The following PPFIA4 variants were observed in gnomAD, a reference collection of about 807,000 sequenced individuals.
PPFIA4 encodes PPFI scaffold protein A4.
PPFIA4 carries 98 observed loss-of-function variants against 145.7 expected under a neutral mutation model. The observed-to-expected ratio is 0.67, with a 90% CI of 0.57 to 0.80. PPFIA4 has a LOEUF of 0.80. Ranked by LOEUF, PPFIA4 falls within the 30% of genes least tolerant of loss-of-function variation. The probability of loss-of-function intolerance (pLI) is 0.00; values close to 1 mark genes in which losing one functional copy is unlikely to be tolerated. For missense variants in PPFIA4, 1,457 were observed against 1,632.7 expected (o/e 0.89, Z 1.85); for synonymous variants, 628 against 649.6 (o/e 0.97, Z 0.51).
chr1:203,074,383 A>C (rs1302148795), intron 28 of PPFIA4, among the ~76,000 whole-genome samples: 1 of 152,180 alleles, frequency 6.6e-6, no homozygotes, highest in Non-Finnish European at 1.5e-5. Flanking sequence ...AACATAGAAA[A>C]GGGACAGTAA....
At chr1:203,039,393 C>A (rs976100114) in intron 2 of PPFIA4, among the ~76,000 whole-genome samples, 151 bp downstream of exon 2, 1 of 152,236 alleles carries the variant, frequency 6.6e-6, no homozygotes, top group African/African-American at 2.4e-5. Flanking sequence ...TACGTGAATT[C>A]TTTCCCTGTC....
At chr1:203,065,035 T>G (rs559663076) in intron 25 of PPFIA4, among the ~76,000 whole-genome samples, 87 of 152,354 alleles carry the variant, frequency 5.7e-4, no homozygotes, top group Admixed American at 1.6e-3. Flanking sequence ...TCTGTGGATG[T>G]CCTGTGGTCT....
chr1:203,059,634 A>C (rs1661221621), intron 20 of PPFIA4, 136 bp from the exon 21 acceptor site: 18 of 718,474 alleles, frequency 2.5e-5, no homozygotes, highest in South Asian at 6.4e-5. Context: ...AAGAAGGAAG[A>C]GCAGAGCAGA....
Position 203,049,753 on chromosome 1 carries a change from T to C in PPFIA4, c.1497T>C (p.Asp499=), listed in dbSNP as rs754204866. The change falls in exon 13 of 30, where the codon GAT becomes GAC. Residue 499 remains aspartate, a synonymous_variant. Coordinates refer to ENST00000295706, the MANE Select transcript of PPFIA4 (RefSeq NM_001304331.2). ...AGGGCCGAGGGGGGCCGTTTGTGGA[T>C]GGCGTCCACTCCAGGTACTGCAGCG... The part of the protein sequence containing the change: ...QLKGRGGPFV[D]GVHSRSHMGS... The C allele has an allele frequency of 9.5e-6, 15 of 1,585,662 alleles. No individual in the cohort carries two copies. The highest frequency in any genetic ancestry group is 1.3e-5 in the Non-Finnish European group (15 of 1,165,758).
intron 1 of PPFIA4, chr1:203,034,683 C>T: frequency 6.6e-6 from 3 of 456,666 alleles, no homozygotes; most frequent in Non-Finnish European, 1.3e-5. Context: ...GGCCTCATGA[C>T]CATGTTGGCT....
chr1:203,063,606 G>T, intron 24 of PPFIA4: 1 of 509,320 alleles, frequency 2.0e-6, no homozygotes, highest in Admixed American at 3.5e-5. Flanking sequence ...ATATGTGAGT[G>T]GAACCGTATC....
chr1:203,039,881 T>TA, intron 2 of PPFIA4, among the ~76,000 whole-genome samples: 1 of 152,322 alleles, frequency 6.6e-6, no homozygotes, highest in Non-Finnish European at 1.5e-5. Context: ...ATCACGGAAC[T>TA]AAAGCTGGGG....
intron 28 of PPFIA4, among the ~76,000 whole-genome samples, chr1:203,073,408 G>A (rs540669639): frequency 3.9e-5 from 6 of 152,326 alleles, no homozygotes; most frequent in Non-Finnish European, 8.8e-5. Context: ...GAGCTGTGCA[G>A]TGGAGTTTTT....
intron 19 of PPFIA4, 109 bp downstream of exon 19, chr1:203,057,059 G>T: frequency 1.9e-6 from 3 of 1,548,878 alleles, no homozygotes; most frequent in Non-Finnish European, 1.7e-6. Context: ...CCAGTTGGGG[G>T]AAGCCCCAGG....
intron 1 of PPFIA4, among the ~76,000 whole-genome samples, chr1:203,029,041 C>T (rs1348909309): frequency 6.6e-6 from 1 of 151,988 alleles, no homozygotes; most frequent in Non-Finnish European, 1.5e-5. Context: ...GGGCCTGAGG[C>T]AACTGAGAAT....
chr1:203,044,550 A>G, intron 5 of PPFIA4, 97 bp downstream of exon 5: 1 of 1,434,022 alleles, frequency 7.0e-7, no homozygotes, highest in East Asian at 2.5e-5. Context: ...TCTCCCTGCC[A>G]TGGCTGGAAG....
Position 203,076,351 on chromosome 1 carries a change from C to G in PPFIA4, c.3585C>G (p.His1195Gln), listed in dbSNP as rs199601630. Residue 1195 changes from histidine (H) to glutamine (Q), a missense_variant, in exon 30 of 30, where the codon CAC becomes CAG. Physicochemically the swap from His to Gln is conservative, Grantham distance 24 (BLOSUM62 0). This residue lies in a region of PPFIA4 where 146 missense variants were observed against 126.2 expected (regional missense o/e 1.16). Transcript: ENST00000295706. ...CTCTCTCTCCCTCAGCTCACTCCCA[C>G]TATCTCTACGGACACATGCTCTCCG... ...PKKIMPEAHS[H>Q]YLYGHMLSAF... is the part of the protein sequence containing the mutation. The G allele has an allele frequency of 1.9e-6, 3 of 1,606,664 alleles. No individual in the cohort carries two copies. Among genetic ancestry groups the G allele is most frequent in the African/African-American group, 2.7e-5 (2 of 74,948 alleles).
Position 203,063,891 on chromosome 1 carries a change from C to T in PPFIA4, c.2938C>T (p.Leu980Phe). ...IGNEWLPSLG[L>F]PQYRSYFMEC... Reference sequence around the variant, plus strand: ...GAATGAATGGCTACCCAGCCTGGGGCTCCCGCAGTACCGCAGCTACTTCAT... The same window carrying T: ...GAATGAATGGCTACCCAGCCTGGGGTTCCCGCAGTACCGCAGCTACTTCAT... Residue 980 changes from leucine to phenylalanine, a missense_variant, in exon 25 of 30, where the codon CTC becomes TTC. Transcript: ENST00000295706. The T allele has an allele frequency of 6.2e-7, 1 of 1,614,074 alleles. No homozygotes were observed. Among genetic ancestry groups the T allele is most frequent in the Non-Finnish European group, 8.5e-7 (1 of 1,179,908 alleles).
intron 1 of PPFIA4, chr1:203,034,785 G>C (rs1447785013): frequency 2.3e-6 from 1 of 437,882 alleles, no homozygotes; most frequent in Non-Finnish European, 4.6e-6. Context: ...ATGAGGGTGG[G>C]GAAGGTTTCT....
At chr1:203,062,675 T>G (rs1220129335) in intron 24 of PPFIA4, among the ~76,000 whole-genome samples, 1 of 151,780 alleles carries the variant, frequency 6.6e-6, no homozygotes, top group Non-Finnish European at 1.5e-5. Flanking sequence ...AGGTGATGGG[T>G]CGGGGGGGAT....
rs539102785 is a variant in PPFIA4 at position 203,078,675 on chromosome 1, G to A, written c.*2285G>A. ...ATCAGGAATGGGTGTATGGGTGTGT[G>A]TGGGTGGGTGTGAGTGTGGGTGTGT... On this transcript the variant is annotated 3_prime_UTR_variant, in exon 30 of 30. Transcript: ENST00000295706. 8.5e-5 allele frequency: 13 copies of A among 152,174 alleles called. No homozygotes were observed. The highest frequency in any genetic ancestry group is 2.6e-4 in the Admixed American group (4 of 15,250). 9.4% of individuals were successfully genotyped at this position (152,174 alleles called of 1,614,324 possible).
chr1:203,060,855 C>A lies in PPFIA4; in HGVS notation c.2785-115C>A. On this transcript the variant is annotated intron_variant, in intron 22 of 29. Coordinates refer to ENST00000295706, the MANE Select transcript of PPFIA4 (RefSeq NM_001304331.2). This position sits in a 1 kb window ranked among gnomAD's most constrained non-coding sequence, Gnocchi z 4.8. ...GGCCATCTCCATGATTGAGACCAGC[C>A]CCCATTTCAGAGGACTCAGGGAGGG... is the stretch of plus-strand genomic sequence containing the variant. 1 of 891,148 alleles carries A rather than the reference C, an allele frequency of 1.1e-6. No individual in the cohort carries two copies. The highest frequency in any genetic ancestry group is 1.8e-6 in the Non-Finnish European group (1 of 544,016). The allele number at this position is 891,148 out of a possible 1,614,324, so 55.2% of individuals were successfully genotyped here.
Position 203,048,377 on chromosome 1 carries a change from TGGAAGGGGCACGGA to T in PPFIA4, c.1224+75_1224+88del, listed in dbSNP as rs1440107526. The T allele has an allele frequency of 6.4e-6, 10 of 1,559,604 alleles. No individual in the cohort carries two copies. In the Admixed American group the frequency reaches 1.1e-4, roughly 17 times the overall value. On this transcript the variant is annotated intron_variant, in intron 10 of 29. Coordinates refer to ENST00000295706, the MANE Select transcript of PPFIA4 (RefSeq NM_001304331.2). The surrounding 1 kb of genome is among the most constrained non-coding windows in gnomAD (Gnocchi z 5.8). ...CAGGACAGGCTCCCAGGGCGGTCTG[TGGAAGGGGCACGGA>T]GGAAGGGCCTGGCCAGGGACACAGC...
rs977022594 is a variant in PPFIA4, at chr1:203,075,026, A to G, written c.3394-551A>G. ...ATTATTCTCATTTTACAGATAAGGA[A>G]ACTGAGGCTCAGAGGGGTCACTCAC... On this transcript the variant is annotated intron_variant, in intron 28 of 29. Coordinates refer to ENST00000295706, the MANE Select transcript of PPFIA4 (RefSeq NM_001304331.2). The surrounding 1 kb of genome is among the most constrained non-coding windows in gnomAD (Gnocchi z 4.1). 2.6e-5 allele frequency among the ~76,000 whole-genome samples: 4 copies of G among 152,204 alleles called. No homozygotes were observed. Among genetic ancestry groups the G allele is most frequent in the African/African-American group, 7.2e-5 (3 of 41,506 alleles).
Sources: allele counts gnomAD v4.1 joint callset (sites outside exome capture counted in the v4.1 genomes callset), GRCh38; gene constraint gnomAD v4.1.1; regional missense constraint gnomAD v4.1.1; non-coding constraint Gnocchi (gnomAD v3.1); transcripts MANE v1.5; gene names NCBI Gene and HGNC (gene_info 2026-07-23, HGNC 2026-07-21).